Variants in SDCBP observed in about 807,000 individuals in gnomAD.
The protein encoded by SDCBP is syntenin-1.
Under a neutral mutation model 30.5 loss-of-function variants are expected in SDCBP, and 22 were observed. That is an observed-to-expected ratio of 0.72 (90% CI 0.52 to 1.03). The LOEUF is 1.03. Among genes scored for constraint, SDCBP ranks in the 50% least tolerant of loss-of-function variants. The pLI is 0.00. For missense variants in SDCBP, 304 were observed against 369.9 expected (o/e 0.82, Z 1.46); for synonymous variants, 103 against 118.7 (o/e 0.87, Z 0.86).
intron 8 of SDCBP, 119 bp from the exon 9 acceptor site, chr8:58,581,567 C>A: frequency 1.4e-6 from 1 of 724,010 alleles, no homozygotes; most frequent in Admixed American, 2.1e-5. Flanking sequence ...CCCTTCTCTC[C>A]ATTCATATTT....
At chr8:58,556,159 C>T (rs189558603) in intron 1 of SDCBP, among the ~76,000 whole-genome samples, 44 of 152,262 alleles carry the variant, frequency 2.9e-4, no homozygotes, top group African/African-American at 1.0e-3. Flanking sequence ...CAGCGGTTCC[C>T]GACATTTTTG....
At chr8:58,578,621 G>A (rs1805484553) in intron 6 of SDCBP, among the ~76,000 whole-genome samples, 1 of 152,184 alleles carries the variant, frequency 6.6e-6, no homozygotes, top group Admixed American at 6.5e-5. Context: ...CTTTTGGGTA[G>A]TTATGAAGCA....
At chr8:58,578,902 A>G (rs2129608364) in intron 6 of SDCBP, among the ~76,000 whole-genome samples, 1 of 152,328 alleles carries the variant, frequency 6.6e-6, no homozygotes, top group East Asian at 1.9e-4. Context: ...CTATCTAAGC[A>G]GAGTTTCAAA....
chr8:58,579,906 G>T (rs891971733), intron 7 of SDCBP, 112 bp downstream of exon 7: 7 of 1,001,344 alleles, frequency 7.0e-6, no homozygotes, highest in Non-Finnish European at 8.5e-6. Context: ...GATGGGGAAC[G>T]TGGGGCCTGA....
intron 5 of SDCBP, among the ~76,000 whole-genome samples, chr8:58,577,511 G>A (rs762043821): frequency 2.0e-5 from 3 of 152,070 alleles, no homozygotes; most frequent in Admixed American, 1.3e-4. Context: ...AATCTTACTT[G>A]ATTATACACA....
At chr8:58,574,695 C>T (rs1014032508) in intron 4 of SDCBP, among the ~76,000 whole-genome samples, 1 of 151,962 alleles carries the variant, frequency 6.6e-6, no homozygotes, top group Non-Finnish European at 1.5e-5. Flanking sequence ...TCTTCCTCTC[C>T]CCAGCTTTAT....
At chr8:58,563,646 T>A (rs867206113) in intron 1 of SDCBP, among the ~76,000 whole-genome samples, 57 of 152,210 alleles carry the variant, frequency 3.7e-4, no homozygotes, top group African/African-American at 1.2e-3. Flanking sequence ...GGAGGTTTAA[T>A]ACACAGAATT....
At position 58,572,231 on chromosome 8, in the gene SDCBP, C is replaced by G. The variant is rs1407384132; in HGVS notation, c.157C>G (p.Leu53Val). Residue 53 changes from leucine to valine, a missense_variant, in exon 4 of 9, where the codon CTC becomes GTC. Transcript: ENST00000260130. ...GNLYPRLYPE[L>V]SQYMGLSLNE... is the part of the protein sequence containing the mutation. ...TCTCTATCCCAGACTGTATCCAGAG[C>G]TCTCTCAATACATGGGGCTGAGTTT... 4 of 1,609,080 alleles carry G rather than the reference C, an allele frequency of 2.5e-6. No homozygotes were observed. Among genetic ancestry groups the G allele is most frequent in the Non-Finnish European group, 3.4e-6 (4 of 1,177,040 alleles).
intron 1 of SDCBP, among the ~76,000 whole-genome samples, chr8:58,556,009 C>T (rs891611695): frequency 6.6e-6 from 1 of 152,110 alleles, no homozygotes; most frequent in Non-Finnish European, 1.5e-5. Flanking sequence ...TCCAAATTTT[C>T]CTGGTTTTGA....
At chr8:58,567,654 G>A (rs1804775493) in intron 2 of SDCBP, among the ~76,000 whole-genome samples, 1 of 152,202 alleles carries the variant, frequency 6.6e-6, no homozygotes, top group Non-Finnish European at 1.5e-5. Flanking sequence ...TGCCTCATTA[G>A]ACAGTTTTGT....
chr8:58,562,210 A>C (rs1004486353), intron 1 of SDCBP, among the ~76,000 whole-genome samples: 7 of 152,062 alleles, frequency 4.6e-5, no homozygotes, highest in Non-Finnish European at 1.0e-4. Flanking sequence ...AATGTACTAA[A>C]CTCTCCAATC....
intron 1 of SDCBP, among the ~76,000 whole-genome samples, chr8:58,557,519 A>G (rs546034771): frequency 6.7e-6 from 1 of 148,880 alleles, no homozygotes; most frequent in African/African-American, 2.5e-5. Context: ...TAATATATAT[A>G]TAGCCTTTTG....
Position 58,578,073 on chromosome 8 carries a change from C to T in SDCBP, c.443C>T (p.Ser148Leu). ...CTAGTCCAGGCTAATTCTCCAGCCT[C>T]ATTGGTTGGTCTGAGATTTGGGGAC... The part of the protein sequence containing the change: ...VQLVQANSPA[S>L]LVGLRFGDQV... The change falls in exon 6 of 9, where the codon TCA becomes TTA. Residue 148 changes from serine to leucine, a missense_variant. Transcript: ENST00000260130. 1 of 1,613,876 alleles carries T rather than the reference C, an allele frequency of 6.2e-7. No individual in the cohort carries two copies. Among genetic ancestry groups the T allele is most frequent in the Non-Finnish European group, 8.5e-7 (1 of 1,179,856 alleles).
intron 1 of SDCBP, among the ~76,000 whole-genome samples, chr8:58,562,566 G>C (rs567422775): frequency 6.6e-6 from 1 of 151,924 alleles, no homozygotes. Flanking sequence ...TTTCAATAAC[G>C]ATGCGAAGAC....
chr8:58,556,423 A>G (rs1804106302), intron 1 of SDCBP, among the ~76,000 whole-genome samples: 1 of 152,164 alleles, frequency 6.6e-6, no homozygotes. Context: ...ACCGACTGGT[A>G]CTGGTCCATG....
At chr8:58,558,455 A>G (rs1165265448) in intron 1 of SDCBP, among the ~76,000 whole-genome samples, 2 of 151,886 alleles carry the variant, frequency 1.3e-5, no homozygotes, top group East Asian at 1.9e-4. Context: ...CTAGTTTTTT[A>G]TATTTTTTGT....
At chr8:58,579,890 G>A (rs1716224018) in intron 7 of SDCBP, 96 bp downstream of exon 7, 1 of 1,207,272 alleles carries the variant, frequency 8.3e-7, no homozygotes, top group Non-Finnish European at 1.1e-6. Context: ...ATTGACTTAG[G>A]TGGGAGATGG....
At chr8:58,557,987 A>AC (rs1210888761) in intron 1 of SDCBP, among the ~76,000 whole-genome samples, 4 of 152,192 alleles carry the variant, frequency 2.6e-5, no homozygotes, top group African/African-American at 4.8e-5. Context: ...AATTCCAGCC[A>AC]CAATTAGAAG....
At chr8:58,571,822 C>T (rs1338307618) in intron 3 of SDCBP, among the ~76,000 whole-genome samples, 1 of 152,124 alleles carries the variant, frequency 6.6e-6, no homozygotes, top group Non-Finnish European at 1.5e-5. Context: ...GCTGACTTGA[C>T]AAATAGATAT....
Sources: allele counts gnomAD v4.1 joint callset (sites outside exome capture counted in the v4.1 genomes callset), GRCh38; gene constraint gnomAD v4.1.1; transcripts MANE v1.5; gene names NCBI Gene and HGNC (gene_info 2026-07-23, HGNC 2026-07-21).